SGCD: variants seen among roughly 807,000 people sequenced by gnomAD.
SGCD encodes the protein delta-sarcoglycan.
SGCD carries 18 observed loss-of-function variants against 36.6 expected under a neutral mutation model. The ratio of observed to expected loss-of-function variants is 0.49; its 90% CI spans 0.34 to 0.73. SGCD has a LOEUF of 0.73. Ranked by LOEUF, SGCD falls within the 30% of genes least tolerant of loss-of-function variation. SGCD has a pLI of 0.01. For missense variants in SGCD, 387 were observed against 346.7 expected (o/e 1.12, Z -0.92); for synonymous variants, 133 against 130.6 (o/e 1.02, Z -0.12).
At chr5:155,796,438 T>A in the SGCD span, among the ~76,000 whole-genome samples, 2 of 151,964 alleles carry the variant, frequency 1.3e-5, no homozygotes, top group African/African-American at 2.4e-5. Flanking sequence ...ACTTGTGGGA[T>A]GCAGCTAAAG....
intron 3 of SGCD, among the ~76,000 whole-genome samples, chr5:156,440,532 T>C (rs1439068760): frequency 6.6e-6 from 1 of 152,176 alleles, no homozygotes; most frequent in African/African-American, 2.4e-5. Flanking sequence ...ATTGAGGAAC[T>C]GCTGTACTAT....
At chr5:156,678,538 C>A (rs1753601047) in intron 7 of SGCD, among the ~76,000 whole-genome samples, 1 of 152,144 alleles carries the variant, frequency 6.6e-6, no homozygotes, top group Non-Finnish European at 1.5e-5. Context: ...AAGTGAAATT[C>A]TCTTCACCTT....
chr5:156,580,644 A>G (rs1246780992), intron 4 of SGCD, among the ~76,000 whole-genome samples: 1 of 152,026 alleles, frequency 6.6e-6, no homozygotes, highest in African/African-American at 2.4e-5. Context: ...TTATTTCATT[A>G]ATTTGATCTT....
At chr5:156,645,107 G>C (rs970444741) in intron 6 of SGCD, among the ~76,000 whole-genome samples, 6 of 152,016 alleles carry the variant, frequency 3.9e-5, no homozygotes, top group Admixed American at 6.6e-5. Flanking sequence ...GAAACACATT[G>C]ATGAAATCAT....
At chr5:156,056,744 A>T (rs1159837925) in intron 1 of SGCD, among the ~76,000 whole-genome samples, 1 of 145,006 alleles carries the variant, frequency 6.9e-6, no homozygotes, top group Non-Finnish European at 1.5e-5. Flanking sequence ...CGTGAATTAA[A>T]CGTTTTCTCT....
intron 3 of SGCD, among the ~76,000 whole-genome samples, chr5:156,281,774 A>G (rs953961491): frequency 2.0e-5 from 3 of 152,220 alleles, no homozygotes; most frequent in African/African-American, 2.4e-5. Context: ...AGCTTCAGGC[A>G]TGGTTAGATC....
chr5:155,768,741 AT>A, the SGCD span, among the ~76,000 whole-genome samples: 1 of 152,132 alleles, frequency 6.6e-6, no homozygotes, highest in Admixed American at 6.6e-5. Flanking sequence ...AGAAGGCCCT[AT>A]TTGACCTTGA....
At chr5:156,243,803 G>A (rs1765364653) in intron 3 of SGCD, among the ~76,000 whole-genome samples, 1 of 152,144 alleles carries the variant, frequency 6.6e-6, no homozygotes. Context: ...TGGGGAGAAA[G>A]CAAAAGGATC....
chr5:156,337,423 G>A (rs1031664790), intron 2 of SGCD, among the ~76,000 whole-genome samples: 9 of 151,864 alleles, frequency 5.9e-5, no homozygotes, highest in African/African-American at 1.7e-4. Flanking sequence ...TTCTCTACTC[G>A]TTAGAACCTA....
intron 3 of SGCD, among the ~76,000 whole-genome samples, chr5:156,499,276 A>G (rs1043559800): frequency 1.3e-5 from 2 of 152,170 alleles, no homozygotes; most frequent in South Asian, 4.1e-4. Flanking sequence ...TTTGTTACTC[A>G]TGTTTTAAAA....
In SGCD at chr5:156,063,564, G is replaced by A. The variant is rs1428533696; in HGVS notation, c.-281-54314G>A. On this transcript the variant is annotated intron_variant, in intron 1 of 9. Coordinates refer to the SGCD transcript ENST00000517913. ...CACGATATTGATTCTTCCTACCCAT[G>A]AGCATGGAATGTTCTTCCATTTGTT... Among the ~76,000 whole-genome samples, 29 of 113,750 alleles carry A rather than the reference G, an allele frequency of 2.5e-4. 1 individual carries two copies. Among genetic ancestry groups the A allele is most frequent in the Admixed American group, 1.9e-3 (22 of 11,794 alleles). 74.6% of individuals were successfully genotyped at this position (113,750 alleles called of 152,430 possible).
chr5:156,694,327 C>T (rs1754225931), intron 7 of SGCD, among the ~76,000 whole-genome samples: 2 of 152,152 alleles, frequency 1.3e-5, no homozygotes, highest in African/African-American at 4.8e-5. Flanking sequence ...TTCTCTTTGC[C>T]TTGGTATTCA....
At chr5:156,523,707 G>T (rs948877290) in intron 4 of SGCD, among the ~76,000 whole-genome samples, 3 of 152,014 alleles carry the variant, frequency 2.0e-5, no homozygotes, top group African/African-American at 7.2e-5. Context: ...TTACACGGTA[G>T]AGTTCAGGGG....
At chr5:156,084,373 G>T (rs1451799311) in intron 1 of SGCD, among the ~76,000 whole-genome samples, 1 of 152,058 alleles carries the variant, frequency 6.6e-6, no homozygotes, top group Non-Finnish European at 1.5e-5. Flanking sequence ...TGGTGTTATT[G>T]CTTAATTTCA....
At chr5:155,926,735 A>C (rs1757003444) in intron 1 of SGCD, among the ~76,000 whole-genome samples, 1 of 152,198 alleles carries the variant, frequency 6.6e-6, no homozygotes, top group African/African-American at 2.4e-5. Context: ...GTATATACAC[A>C]TCTGTACCCA....
chr5:156,510,916 T>G (rs1756899180), intron 4 of SGCD, among the ~76,000 whole-genome samples: 1 of 152,216 alleles, frequency 6.6e-6, no homozygotes, highest in Non-Finnish European at 1.5e-5. Flanking sequence ...GTGCATCTGT[T>G]GGGTCTGTAT....
chr5:156,262,769 G>A (rs975105233), intron 3 of SGCD, among the ~76,000 whole-genome samples: 2 of 151,944 alleles, frequency 1.3e-5, no homozygotes, highest in African/African-American at 2.4e-5. Context: ...TTCCACTTAC[G>A]AGTGAGAACA....
At chr5:156,177,557 G>A (rs1232214925) in intron 3 of SGCD, among the ~76,000 whole-genome samples, 3 of 152,058 alleles carry the variant, frequency 2.0e-5, no homozygotes, top group African/African-American at 7.2e-5. Context: ...CTGTTTGTTT[G>A]TTTGTTTAAT....
intron 6 of SGCD, among the ~76,000 whole-genome samples, chr5:156,604,116 G>A (rs918962265): frequency 5.3e-5 from 8 of 151,684 alleles, no homozygotes; most frequent in African/African-American, 1.9e-4. Flanking sequence ...ATATCTTCTT[G>A]TTGAATTGAT....
Sources: allele counts gnomAD v4.1 joint callset (sites outside exome capture counted in the v4.1 genomes callset), GRCh38; gene constraint gnomAD v4.1.1; transcripts MANE v1.5; gene names NCBI Gene and HGNC (gene_info 2026-07-23, HGNC 2026-07-21).